TOGARAM1: variants seen among roughly 807,000 people sequenced by gnomAD.
TOGARAM1 encodes TOG array regulator of axonemal microtubules protein 1.
Under a neutral mutation model 166.6 loss-of-function variants are expected in TOGARAM1, and 100 were observed. The ratio of observed to expected loss-of-function variants is 0.60; its 90% CI spans 0.51 to 0.71. The LOEUF is 0.71. TOGARAM1 is among the 30% of genes least tolerant of loss of function. TOGARAM1 has a pLI of 0.00. For missense variants in TOGARAM1, 2,029 were observed against 2,102.7 expected (o/e 0.96, Z 0.69); for synonymous variants, 758 against 763.8 (o/e 0.99, Z 0.13).
intron 1 of TOGARAM1, among the ~76,000 whole-genome samples, chr14:44,993,751 T>C (rs966239873): frequency 2.0e-5 from 3 of 152,228 alleles, no homozygotes; most frequent in Admixed American, 1.3e-4. Flanking sequence ...GCCTGACTGC[T>C]GAAGATTTCT....
At chr14:44,966,752 G>C (rs529249646) in intron 1 of TOGARAM1, among the ~76,000 whole-genome samples, 1 of 151,984 alleles carries the variant, frequency 6.6e-6, no homozygotes, top group Admixed American at 6.6e-5. Flanking sequence ...CCAGGAGTTC[G>C]AGACCAGCCT....
intron 13 of TOGARAM1, among the ~76,000 whole-genome samples, chr14:45,045,543 G>GTGTGTGTGTGTATATA (rs1457434775): frequency 1.8e-4 from 7 of 38,920 alleles, no homozygotes; most frequent in African/African-American, 6.4e-4. Context: ...GTCTGTGTGT[G>GTGTGTGTGTGTATATA]TATATATATA....
chr14:45,018,941 A>C (rs1237918523), intron 7 of TOGARAM1, among the ~76,000 whole-genome samples: 1 of 152,222 alleles, frequency 6.6e-6, no homozygotes, highest in Non-Finnish European at 1.5e-5. Context: ...CAGAATCATA[A>C]ACATATTTAC....
chr14:45,069,677 C>G (rs559882510), intron 18 of TOGARAM1, among the ~76,000 whole-genome samples: 1 of 152,202 alleles, frequency 6.6e-6, no homozygotes, highest in Non-Finnish European at 1.5e-5. Context: ...GATCACCACA[C>G]AAGTATTAGA....
chr14:44,978,183 G>C (rs1041400288), intron 1 of TOGARAM1: 2 of 152,198 alleles, frequency 1.3e-5, no homozygotes, highest in African/African-American at 4.8e-5. Flanking sequence ...TGAGAATCAT[G>C]AAGAGTTAAG....
At chr14:45,014,261 G>A (rs575475084) in intron 7 of TOGARAM1, among the ~76,000 whole-genome samples, 26 of 152,060 alleles carry the variant, frequency 1.7e-4, no homozygotes, top group Admixed American at 7.9e-4. Context: ...TAGCCAGGAT[G>A]GTCATGATCC....
At chr14:45,013,024 G>T (rs1436076180) in intron 7 of TOGARAM1, among the ~76,000 whole-genome samples, 1 of 152,138 alleles carries the variant, frequency 6.6e-6, no homozygotes. Context: ...ATGCTTTCAT[G>T]ATCTGGTCCC....
intron 1 of TOGARAM1, among the ~76,000 whole-genome samples, chr14:44,968,157 G>GCT (rs1453506637): frequency 2.0e-5 from 3 of 152,232 alleles, no homozygotes; most frequent in South Asian, 4.1e-4. Flanking sequence ...GGTCTTAGAA[G>GCT]AACTATTTTA....
At chr14:45,055,809 A>G (rs1341598592) in intron 16 of TOGARAM1, among the ~76,000 whole-genome samples, 7 of 150,520 alleles carry the variant, frequency 4.7e-5, no homozygotes, top group Non-Finnish European at 8.9e-5. Flanking sequence ...TCAAAAAAAA[A>G]AAAAAAAAAA....
At chr14:44,972,961 C>T (rs1471450181) in intron 1 of TOGARAM1, among the ~76,000 whole-genome samples, 2 of 152,074 alleles carry the variant, frequency 1.3e-5, no homozygotes, top group East Asian at 1.9e-4. Flanking sequence ...CTTAAAGTGG[C>T]AGTCTTGAAT....
At chr14:45,040,755 G>T (rs1054234919) in intron 11 of TOGARAM1, among the ~76,000 whole-genome samples, 2 of 152,160 alleles carry the variant, frequency 1.3e-5, no homozygotes, top group African/African-American at 4.8e-5. Flanking sequence ...TAGATAACTT[G>T]TGACCGGGCA....
intron 15 of TOGARAM1, among the ~76,000 whole-genome samples, chr14:45,053,452 A>G (rs1295998562): frequency 1.3e-5 from 2 of 150,848 alleles, no homozygotes; most frequent in Non-Finnish European, 2.9e-5. Flanking sequence ...CTATTTACAT[A>G]TTAATTTAAA....
chr14:45,018,432 C>T (rs1385656210), intron 7 of TOGARAM1, among the ~76,000 whole-genome samples: 3 of 152,034 alleles, frequency 2.0e-5, no homozygotes, highest in Admixed American at 6.6e-5. Context: ...TCAGTAGAGA[C>T]AGGGTTTCAC....
chr14:44,969,470 A>G (rs1313963508), intron 1 of TOGARAM1, among the ~76,000 whole-genome samples: 1 of 152,050 alleles, frequency 6.6e-6, no homozygotes, highest in Admixed American at 6.6e-5. Context: ...GTATCTTTTG[A>G]AAATATTTTC....
intron 1 of TOGARAM1, among the ~76,000 whole-genome samples, chr14:44,995,329 C>A (rs961647216): frequency 1.3e-5 from 2 of 152,134 alleles, no homozygotes; most frequent in Non-Finnish European, 2.9e-5. Flanking sequence ...ATAGATTTGC[C>A]TCAGTAAGAA....
chr14:45,012,791 G>A (rs933532632), intron 7 of TOGARAM1, among the ~76,000 whole-genome samples: 9 of 152,240 alleles, frequency 5.9e-5, no homozygotes, highest in African/African-American at 1.7e-4. Context: ...AACTGTATAT[G>A]TATTTGATTA....
intron 15 of TOGARAM1, 24 bp from the exon 16 acceptor site, chr14:45,054,407 T>A: frequency 7.0e-7 from 1 of 1,434,050 alleles, no homozygotes; most frequent in South Asian, 1.2e-5. Context: ...ATTTGTATTA[T>A]ACTAATTTTA....
chr14:45,058,213 T>C (rs759035078), intron 16 of TOGARAM1, among the ~76,000 whole-genome samples: 30 of 152,192 alleles, frequency 2.0e-4, no homozygotes, highest in Non-Finnish European at 1.3e-4. Flanking sequence ...TCTTTTTTTT[T>C]ACTGTTTTTG....
intron 16 of TOGARAM1, among the ~76,000 whole-genome samples, chr14:45,060,299 T>C (rs951152237): frequency 6.1e-4 from 89 of 146,892 alleles, no homozygotes; most frequent in African/African-American, 1.4e-3. Flanking sequence ...CACTGCAACC[T>C]CCACCTTTTG....
Sources: allele counts gnomAD v4.1 joint callset (sites outside exome capture counted in the v4.1 genomes callset), GRCh38; gene constraint gnomAD v4.1.1; transcripts MANE v1.5; gene names NCBI Gene and HGNC (gene_info 2026-07-23, HGNC 2026-07-21).